Variants in GRM1 observed in about 807,000 individuals in gnomAD.
GRM1 encodes the protein metabotropic glutamate receptor 1.
Under a neutral mutation model 90.9 loss-of-function variants are expected in GRM1, and 33 were observed. The observed-to-expected ratio is 0.36, with a 90% CI of 0.28 to 0.49. The LOEUF (loss-of-function observed/expected upper bound fraction) is 0.49. Among genes scored for constraint, GRM1 ranks in the 20% least tolerant of loss-of-function variants. The probability of loss-of-function intolerance (pLI) is 0.99; values close to 1 mark genes in which losing one functional copy is unlikely to be tolerated. For missense variants in GRM1, 1,190 were observed against 1,534.3 expected, an observed-to-expected ratio of 0.78 and a Z score of 3.75; for synonymous variants, 700 against 613.2, an observed-to-expected ratio of 1.14 and a Z score of -2.09.
intron 3 of GRM1, among the ~76,000 whole-genome samples, chr6:146,314,651 A>G (rs1033643023): frequency 6.6e-6 from 1 of 152,154 alleles, no homozygotes; most frequent in Non-Finnish European, 1.5e-5. Context: ...TCACAAAGGG[A>G]TTGAACACTG....
intron 3 of GRM1, among the ~76,000 whole-genome samples, chr6:146,308,688 A>G (rs968265611): frequency 6.6e-6 from 1 of 152,194 alleles, no homozygotes; most frequent in Non-Finnish European, 1.5e-5. Flanking sequence ...GCACTTGGAA[A>G]TATACAGAAG....
chr6:146,058,979 G>T (rs1373221298), intron 1 of GRM1, among the ~76,000 whole-genome samples: 1 of 152,092 alleles, frequency 6.6e-6, no homozygotes, highest in African/African-American at 2.4e-5. Flanking sequence ...CTCCATTGAA[G>T]TCTTAAACCT....
chr6:146,222,347 A>G (rs77528520), intron 2 of GRM1, among the ~76,000 whole-genome samples: 1,646 of 152,250 alleles, frequency 0.011, 20 homozygotes, highest in African/African-American at 0.038. Context: ...TAAATGTATT[A>G]GTTTGGGTTC....
At position 146,226,100 on chromosome 6, in the gene GRM1, C is replaced by G. The variant is rs566737235; in HGVS notation, c.950+66503C>G. On this transcript the variant is annotated intron_variant, in intron 2 of 7. Coordinates refer to ENST00000282753, the MANE Select transcript of GRM1 (RefSeq NM_001278064.2). ...GCTTCATTTAAGCCGATCAGTAAAG[C>G]CATTTCCTAGCTTCATGATTGGCTA... 3.9e-5 allele frequency among the ~76,000 whole-genome samples: 6 copies of G among 152,220 alleles called. No homozygotes were observed. The East Asian group carries it at 1.2e-3, about 29-fold the overall frequency.
intron 2 of GRM1, among the ~76,000 whole-genome samples, chr6:146,196,035 A>G (rs1779103040): frequency 6.6e-6 from 1 of 152,196 alleles, no homozygotes; most frequent in South Asian, 2.1e-4. Context: ...GAACAAAGGT[A>G]TCCCAGTTTG....
At chr6:146,196,352 A>G (rs1216146304) in intron 2 of GRM1, among the ~76,000 whole-genome samples, 2 of 147,882 alleles carry the variant, frequency 1.4e-5, no homozygotes, top group East Asian at 4.0e-4. Flanking sequence ...CAGTGGCACT[A>G]TCTCGGCTCA....
At chr6:146,108,254 T>G (rs949960594) in intron 1 of GRM1, among the ~76,000 whole-genome samples, 3 of 152,178 alleles carry the variant, frequency 2.0e-5, no homozygotes, top group Non-Finnish European at 4.4e-5. Flanking sequence ...ATCTCACCAT[T>G]ATATGGTCTT....
intron 1 of GRM1, among the ~76,000 whole-genome samples, chr6:146,146,424 T>C (rs9497460): frequency 0.11 from 16,382 of 152,096 alleles, 1,824 homozygotes; most frequent in African/African-American, 0.28. Context: ...CTGCTTTGAT[T>C]TCACATGTTC....
intron 1 of GRM1, among the ~76,000 whole-genome samples, chr6:146,129,776 C>G (rs1776324810): frequency 6.6e-6 from 1 of 152,122 alleles, no homozygotes; most frequent in Non-Finnish European, 1.5e-5. Context: ...AGAAAGGGCC[C>G]AATTTGATTT....
chr6:146,277,127 CAATACAATAA>C (rs1782402662), intron 2 of GRM1, among the ~76,000 whole-genome samples: 1 of 151,948 alleles, frequency 6.6e-6, no homozygotes, highest in African/African-American at 2.4e-5. Context: ...CAATACAATA[CAATACAATAA>C]AATACAATAA....
intron 1 of GRM1, among the ~76,000 whole-genome samples, chr6:146,112,562 A>T (rs914666310): frequency 6.6e-6 from 1 of 152,160 alleles, no homozygotes; most frequent in African/African-American, 2.4e-5. Flanking sequence ...AGACCCCTCT[A>T]TCTGGGCTCC....
chr6:146,131,694 TG>T (rs1362811541), intron 1 of GRM1, among the ~76,000 whole-genome samples: 5 of 152,142 alleles, frequency 3.3e-5, no homozygotes, highest in Non-Finnish European at 5.9e-5. Flanking sequence ...AGTTATTGAA[TG>T]GAAACTTTGT....
intron 3 of GRM1, among the ~76,000 whole-genome samples, chr6:146,319,395 G>A (rs1354501646): frequency 4.6e-5 from 7 of 152,186 alleles, no homozygotes; most frequent in African/African-American, 1.4e-4. Context: ...TTGAAGTCAG[G>A]TAGTGTGATG....
At chr6:146,134,565 G>A (rs888470355) in intron 1 of GRM1, among the ~76,000 whole-genome samples, 1 of 152,170 alleles carries the variant, frequency 6.6e-6, no homozygotes, top group African/African-American at 2.4e-5. Flanking sequence ...TCAGGAGAGA[G>A]TAGTGCAGAG....
chr6:146,318,262 A>G (rs1307340384), intron 3 of GRM1, among the ~76,000 whole-genome samples: 1 of 151,538 alleles, frequency 6.6e-6, no homozygotes, highest in African/African-American at 2.4e-5. Flanking sequence ...TTGCTTTTCT[A>G]TTCCTGTGTT....
chr6:146,064,126 TC>T (rs1775765306), intron 1 of GRM1, among the ~76,000 whole-genome samples: 1 of 152,166 alleles, frequency 6.6e-6, no homozygotes, highest in South Asian at 2.1e-4. Flanking sequence ...GATATATAAT[TC>T]GAGGTAGATA....
At chr6:146,047,102 C>T (rs1791360190) in intron 1 of GRM1, among the ~76,000 whole-genome samples, 1 of 151,904 alleles carries the variant, frequency 6.6e-6, no homozygotes, top group African/African-American at 2.4e-5. Context: ...AAGGTAGTTA[C>T]AGGAGAGTTG....
intron 1 of GRM1, among the ~76,000 whole-genome samples, chr6:146,070,141 C>T (rs1227645328): frequency 6.6e-6 from 1 of 152,136 alleles, no homozygotes; most frequent in East Asian, 1.9e-4. Flanking sequence ...GAAAACACTT[C>T]TTTATCTTTC....
At chr6:146,182,264 A>G (rs539660876) in intron 2 of GRM1, among the ~76,000 whole-genome samples, 54 of 152,096 alleles carry the variant, frequency 3.6e-4, no homozygotes, top group Non-Finnish European at 4.9e-4. Flanking sequence ...AAGAAGCTTG[A>G]TTAGTAGATT....
Sources: gnomAD v4.1 joint callset for allele counts (sites outside exome capture counted in the v4.1 genomes callset) on GRCh38, gnomAD v4.1.1 for gene constraint, MANE v1.5 for transcripts, NCBI Gene and HGNC (gene_info 2026-07-23, HGNC 2026-07-21) for gene names.